The following SINHCAF variants were observed in gnomAD, a reference collection of about 807,000 sequenced individuals.
SINHCAF encodes the protein SIN3-HDAC complex associated factor.
Under a neutral mutation model 25.8 loss-of-function variants are expected in SINHCAF, and 3 were observed. That is an observed-to-expected ratio of 0.12 (90% CI 0.05 to 0.30). The LOEUF (loss-of-function observed/expected upper bound fraction) is 0.30. Ranked by LOEUF, SINHCAF falls within the 10% of genes least tolerant of loss-of-function variation. The pLI, the probability that SINHCAF is intolerant of heterozygous loss-of-function variation, is 1.00. For synonymous variants in SINHCAF, 70 were observed against 85.5 expected, an observed-to-expected ratio of 0.82 and a Z score of 1.00; for missense variants, 121 against 262.3, an observed-to-expected ratio of 0.46 and a Z score of 3.72.
At chr12:31,315,834 A>G (rs530139613) in intron 1 of SINHCAF, among the ~76,000 whole-genome samples, 1 of 152,322 alleles carries the variant, frequency 6.6e-6, no homozygotes, top group South Asian at 2.1e-4. Flanking sequence ...CTATTAGCCA[A>G]AAACCCAAAA....
Position 31,293,979 on chromosome 12 carries a change from G to A in SINHCAF, c.229-48C>T, listed in dbSNP as rs749561678. 4 of 1,498,672 alleles carry A rather than the reference G, an allele frequency of 2.7e-6. No homozygotes were observed. In the Admixed American group the frequency reaches 8.7e-5, roughly 32 times the overall value. The allele number at this position is 1,498,672 out of a possible 1,614,324, so 92.8% of individuals were successfully genotyped here. ...TAATAATATTTTTAAAATGACACCAGTGTATCCCTTTGGTTCAGATCCGTG... is the reference window on the plus strand; with the variant it reads ...TAATAATATTTTTAAAATGACACCAATGTATCCCTTTGGTTCAGATCCGTG... On this transcript the variant is annotated intron_variant, in intron 3 of 5. Coordinates refer to ENST00000337682, the MANE Select transcript of SINHCAF (RefSeq NM_001135812.2).
intron 1 of SINHCAF, among the ~76,000 whole-genome samples, chr12:31,306,398 A>G (rs1327735602): frequency 4.6e-5 from 7 of 152,162 alleles, no homozygotes; most frequent in Admixed American, 3.3e-4. Context: ...CTGAATTCCA[A>G]TGGGTCAAGC....
rs1191098758 is a variant in SINHCAF, at chr12:31,282,221, A to T, written c.*491T>A. 6.6e-6 allele frequency: 1 copy of T among 152,620 alleles called. No individual in the cohort carries two copies. The highest frequency in any genetic ancestry group is 1.5e-5 in the Non-Finnish European group (1 of 68,068). The allele number at this position is 152,620 out of a possible 1,614,324, so 9.5% of individuals were successfully genotyped here. Reference sequence around the variant, plus strand: ...AGGGGATTAAAAAAAAAAAAGACTTAAAGAGCACTTTACAGCAGCATTCAG... The same window carrying T: ...AGGGGATTAAAAAAAAAAAAGACTTTAAGAGCACTTTACAGCAGCATTCAG... On this transcript the variant is annotated 3_prime_UTR_variant, in exon 6 of 6. Coordinates refer to ENST00000337682, the MANE Select transcript of SINHCAF (RefSeq NM_001135812.2).
intron 2 of SINHCAF, 136 bp downstream of exon 2, chr12:31,297,941 G>A (rs1938614278): frequency 1.1e-6 from 1 of 870,042 alleles, no homozygotes; most frequent in East Asian, 2.5e-5. Context: ...TAAAAAGCAG[G>A]AGACTTACAC....
intron 1 of SINHCAF, among the ~76,000 whole-genome samples, chr12:31,322,284 C>G (rs1028229872): frequency 2.6e-5 from 4 of 152,108 alleles, no homozygotes; most frequent in Non-Finnish European, 5.9e-5. Context: ...ATGAAATCTG[C>G]TAGGAAATGG....
intron 4 of SINHCAF, among the ~76,000 whole-genome samples, chr12:31,291,529 C>A (rs1322647779): frequency 1.3e-5 from 2 of 152,148 alleles, no homozygotes; most frequent in Non-Finnish European, 2.9e-5. Flanking sequence ...TTTGGGAGGC[C>A]AAGGAGGGCA....
chr12:31,313,000 C>G (rs1461442454), intron 1 of SINHCAF, among the ~76,000 whole-genome samples: 1 of 152,078 alleles, frequency 6.6e-6, no homozygotes, highest in Non-Finnish European at 1.5e-5. Flanking sequence ...TGTAGATCAC[C>G]CAGCACCATT....
chr12:31,317,072 C>T (rs1469488831), intron 1 of SINHCAF, among the ~76,000 whole-genome samples: 2 of 152,032 alleles, frequency 1.3e-5, no homozygotes, highest in East Asian at 1.9e-4. Flanking sequence ...AGAAGTAAAG[C>T]GTTTTTTAAT....
chr12:31,311,720 T>A, intron 1 of SINHCAF: 2 of 510,014 alleles, frequency 3.9e-6, no homozygotes, highest in African/African-American at 1.9e-5. Context: ...GAATTTTTCA[T>A]GTCTCCCAGT....
At chr12:31,316,834 A>T (rs1322856067) in intron 1 of SINHCAF, among the ~76,000 whole-genome samples, 1 of 152,172 alleles carries the variant, frequency 6.6e-6, no homozygotes, top group Admixed American at 6.6e-5. Context: ...ATGGAATAGG[A>T]GACAGAGAAA....
chr12:31,318,222 G>A (rs1939566641), intron 1 of SINHCAF, among the ~76,000 whole-genome samples: 1 of 152,136 alleles, frequency 6.6e-6, no homozygotes, highest in African/African-American at 2.4e-5. Flanking sequence ...CCCCAATAAT[G>A]AGACATGTTT....
Position 31,324,206 on chromosome 12 carries a change from C to T in SINHCAF, c.-21+1818G>A, listed in dbSNP as rs952369976. On this transcript the variant is annotated intron_variant, in intron 1 of 5. Transcript: ENST00000337682. This position sits in a 1 kb window ranked among gnomAD's most constrained non-coding sequence, Gnocchi z 5.5. ...GCCCGGCGCCTCCCGCAGGCCGCGC[C>T]TCCCGCACGCCGCGCTGCCGGGGCT... 1 of 205,474 alleles carries T rather than the reference C, an allele frequency of 4.9e-6. No individual in the cohort carries two copies. The highest frequency in any genetic ancestry group is 7.9e-5 in the South Asian group (1 of 12,702). 12.7% of individuals were successfully genotyped at this position (205,474 alleles called of 1,614,324 possible).
intron 1 of SINHCAF, among the ~76,000 whole-genome samples, chr12:31,320,705 A>G (rs1316260359): frequency 6.6e-6 from 1 of 152,182 alleles, no homozygotes; most frequent in Non-Finnish European, 1.5e-5. Flanking sequence ...TCATAGAAAT[A>G]TTTTTAATGT....
intron 4 of SINHCAF, among the ~76,000 whole-genome samples, chr12:31,291,471 A>G (rs1421378347): frequency 1.3e-5 from 2 of 152,212 alleles, no homozygotes; most frequent in Non-Finnish European, 2.9e-5. Flanking sequence ...TGTCTTGAAA[A>G]GGGAATACAG....
At chr12:31,306,694 C>A (rs112106045) in intron 1 of SINHCAF, among the ~76,000 whole-genome samples, 330 of 152,238 alleles carry the variant, frequency 2.2e-3, no homozygotes, top group African/African-American at 7.6e-3. Flanking sequence ...TTCAGAGCAG[C>A]CTGGAACCTT....
intron 1 of SINHCAF, chr12:31,311,510 C>T: frequency 4.8e-6 from 1 of 207,198 alleles, no homozygotes; most frequent in Non-Finnish European, 9.7e-6. Context: ...ATCAGGACTC[C>T]AGGCAGGCCG....
chr12:31,298,488 G>A, intron 1 of SINHCAF: 1 of 369,954 alleles, frequency 2.7e-6, no homozygotes, highest in Non-Finnish European at 5.0e-6. Flanking sequence ...TCTAAAAATG[G>A]GGAAGAGAAG....
At chr12:31,314,525 C>CA (rs144828928) in intron 1 of SINHCAF, among the ~76,000 whole-genome samples, 3,267 of 142,598 alleles carry the variant, frequency 0.023, 163 homozygotes, top group East Asian at 0.23. Flanking sequence ...GACTCCGTCT[C>CA]AAAAAAAAAA....
intron 4 of SINHCAF, among the ~76,000 whole-genome samples, 171 bp from the exon 5 acceptor site, chr12:31,287,955 T>C (rs1938146974): frequency 6.6e-6 from 1 of 152,188 alleles, no homozygotes; most frequent in Non-Finnish European, 1.5e-5. Flanking sequence ...ACGTGTTTTT[T>C]AAAGAAGTGA....
Sources: allele counts gnomAD v4.1 joint callset (sites outside exome capture counted in the v4.1 genomes callset), GRCh38; gene constraint gnomAD v4.1.1; non-coding constraint Gnocchi (gnomAD v3.1); transcripts MANE v1.5; gene names NCBI Gene and HGNC (gene_info 2026-07-23, HGNC 2026-07-21).